The following GREM2 variants were observed in gnomAD, a reference collection of about 807,000 sequenced individuals.
The protein encoded by GREM2 is gremlin-2.
Under a neutral mutation model 14.2 loss-of-function variants are expected in GREM2, and 11 were observed. The ratio of observed to expected loss-of-function variants is 0.78; its 90% CI spans 0.49 to 1.28. GREM2 has a LOEUF of 1.28. Among genes scored for constraint, GREM2 ranks in the 50% most tolerant of loss-of-function variants. GREM2 has a pLI of 0.00. For synonymous variants in GREM2, 98 were observed against 97.6 expected, an observed-to-expected ratio of 1.00 and a Z score of -0.02; for missense variants, 210 against 218.5, an observed-to-expected ratio of 0.96 and a Z score of 0.24.
At position 240,543,125 on chromosome 1, in the gene GREM2, A is replaced by G. The variant is rs571134174; in HGVS notation, c.-1-49649T>C. ...ATCACTCTGTCATGATTATTTGACT[A>G]TTATTTTACATCCCCCATCAGATTG... On this transcript the variant is annotated intron_variant, in intron 1 of 1. Transcript: ENST00000318160. The surrounding 1 kb of genome is among the most constrained non-coding windows in gnomAD (Gnocchi z 6.4). Among the ~76,000 whole-genome samples, 1 of 152,320 alleles carries G rather than the reference A, an allele frequency of 6.6e-6. No individual in the cohort carries two copies. Among genetic ancestry groups the G allele is most frequent in the South Asian group, 2.1e-4 (1 of 4,830 alleles).
intron 1 of GREM2, among the ~76,000 whole-genome samples, chr1:240,579,852 A>G (rs771418213): frequency 2.0e-5 from 3 of 152,194 alleles, no homozygotes; most frequent in Non-Finnish European, 4.4e-5. Flanking sequence ...GAAAAATTAA[A>G]AGATGGAAGA....
In GREM2 at chr1:240,543,756, T is replaced by A. The variant is rs1048876518; in HGVS notation, c.-1-50280A>T. ...CCTTGACATTGATCTTTTATAGAAATTACTAAGTAATTATATTTCAAAAGG... is the reference window on the plus strand; with the variant it reads ...CCTTGACATTGATCTTTTATAGAAAATACTAAGTAATTATATTTCAAAAGG... On this transcript the variant is annotated intron_variant, in intron 1 of 1. Coordinates refer to ENST00000318160, the MANE Select transcript of GREM2 (RefSeq NM_022469.4). This position sits in a 1 kb window ranked among gnomAD's most constrained non-coding sequence, Gnocchi z 6.4. Among the ~76,000 whole-genome samples the A allele has an allele frequency of 1.3e-5, 2 of 152,230 alleles. No homozygotes were observed. Among genetic ancestry groups the A allele is most frequent in the African/African-American group, 4.8e-5 (2 of 41,470 alleles).
chr1:240,585,997 T>C (rs1443660407), intron 1 of GREM2, among the ~76,000 whole-genome samples: 1 of 149,420 alleles, frequency 6.7e-6, no homozygotes, highest in Admixed American at 6.7e-5. Context: ...ATTAAAAGAA[T>C]CTTACTATAT....
rs1678550805 is a variant in GREM2 at position 240,540,010 on chromosome 1, C to G, written c.-1-46534G>C. 6.6e-6 allele frequency among the ~76,000 whole-genome samples: 1 copy of G among 152,176 alleles called. No individual in the cohort carries two copies. Among genetic ancestry groups the G allele is most frequent in the Non-Finnish European group, 1.5e-5 (1 of 68,030 alleles). The stretch of plus-strand genomic sequence containing the variant: ...ATGAGGGCTGCGGTAACTCAGATGC[C>G]TCAGGATCCCTTGCTATGTGCTGAG... On this transcript the variant is annotated intron_variant, in intron 1 of 1. Transcript: ENST00000318160. This position sits in a 1 kb window ranked among gnomAD's most constrained non-coding sequence, Gnocchi z 4.2.
At chr1:240,544,209 G>A (rs562232639) in intron 1 of GREM2, among the ~76,000 whole-genome samples, 19 of 150,992 alleles carry the variant, frequency 1.3e-4, no homozygotes, top group East Asian at 7.8e-4. Flanking sequence ...GTGCAGTGGC[G>A]CAATCTCGGC....
chr1:240,519,722 C>T (rs563340524), intron 1 of GREM2, among the ~76,000 whole-genome samples: 11 of 152,090 alleles, frequency 7.2e-5, no homozygotes, highest in African/African-American at 2.4e-4. Context: ...GCATCATCAA[C>T]TTATTTCTAT....
At chr1:240,547,374 C>T (rs1450274290) in intron 1 of GREM2, among the ~76,000 whole-genome samples, 1 of 151,432 alleles carries the variant, frequency 6.6e-6, no homozygotes, top group Non-Finnish European at 1.5e-5. Context: ...GTGGCGGGCG[C>T]CTGTAGTCCC....
intron 1 of GREM2, among the ~76,000 whole-genome samples, chr1:240,603,034 T>C (rs940937866): frequency 1.3e-5 from 2 of 150,326 alleles, no homozygotes; most frequent in Non-Finnish European, 3.0e-5. Context: ...GATCGCACCA[T>C]TGCACTCCAG....
intron 1 of GREM2, among the ~76,000 whole-genome samples, chr1:240,601,141 C>T (rs558704634): frequency 8.9e-4 from 135 of 152,196 alleles, no homozygotes; most frequent in African/African-American, 3.1e-3. Flanking sequence ...TATCAAAAGC[C>T]TGCAAAATAA....
chr1:240,526,555 T>C (rs1013353330), intron 1 of GREM2, among the ~76,000 whole-genome samples: 1 of 152,164 alleles, frequency 6.6e-6, no homozygotes, highest in East Asian at 1.9e-4. Context: ...AGGTTACTCC[T>C]GCCTTCTTCT....
chr1:240,500,271 G>T (rs1677538879), intron 1 of GREM2, among the ~76,000 whole-genome samples: 1 of 151,760 alleles, frequency 6.6e-6, no homozygotes, highest in African/African-American at 2.4e-5. Context: ...CATGTTCTGT[G>T]TATCAGAGTA....
chr1:240,514,148 G>C (rs980107025), intron 1 of GREM2, among the ~76,000 whole-genome samples: 2 of 151,112 alleles, frequency 1.3e-5, no homozygotes, highest in African/African-American at 4.9e-5. Flanking sequence ...TCGGGAGGCT[G>C]AGGCAGGGGA....
At chr1:240,545,474 CTAATTGTAA>C (rs879574368) in intron 1 of GREM2, among the ~76,000 whole-genome samples, 75,813 of 151,812 alleles carry the variant, frequency 0.5, 20,866 homozygotes, top group African/African-American at 0.74. Flanking sequence ...AATTAGTTGA[CTAATTGTAA>C]CTAAAATTGT....
chr1:240,588,101 G>A (rs1679635514), intron 1 of GREM2, among the ~76,000 whole-genome samples: 1 of 152,120 alleles, frequency 6.6e-6, no homozygotes, highest in South Asian at 2.1e-4. Flanking sequence ...GGCAGATGTG[G>A]AGTACAAATA....
In GREM2 at chr1:240,542,109, C is replaced by T. The variant is rs912307691; in HGVS notation, c.-1-48633G>A. ...CGGCTGCTACTGAAATCTAGAAGGTCGAGGCCAAGGAGGATGCCGAACATC... is the reference window on the plus strand; with the variant it reads ...CGGCTGCTACTGAAATCTAGAAGGTTGAGGCCAAGGAGGATGCCGAACATC... On this transcript the variant is annotated intron_variant, in intron 1 of 1. Coordinates refer to ENST00000318160, the MANE Select transcript of GREM2 (RefSeq NM_022469.4). This position sits in a 1 kb window ranked among gnomAD's most constrained non-coding sequence, Gnocchi z 4.1. 7.9e-5 allele frequency among the ~76,000 whole-genome samples: 12 copies of T among 151,954 alleles called. No individual in the cohort carries two copies. Among genetic ancestry groups the T allele is most frequent in the South Asian group, 2.1e-4 (1 of 4,818 alleles).
rs1051013825 is a variant in GREM2 at position 240,492,510 on chromosome 1, G to A, written c.*459C>T. Reference sequence around the variant, plus strand: ...GAGCGCTCCCAGCCAGAGGTCCAGGGACCAGCAGGAGAGGTCTGAGGGGCC... The same window carrying A: ...GAGCGCTCCCAGCCAGAGGTCCAGGAACCAGCAGGAGAGGTCTGAGGGGCC... On this transcript the variant is annotated 3_prime_UTR_variant, in exon 2 of 2. Transcript: ENST00000318160. 4 of 182,354 alleles carry A rather than the reference G, an allele frequency of 2.2e-5. No homozygotes were observed. The highest frequency in any genetic ancestry group is 5.6e-5 in the Admixed American group (1 of 17,984). 11.3% of individuals were successfully genotyped at this position (182,354 alleles called of 1,614,324 possible). A position where few individuals can be genotyped will look rare whatever the true frequency, so the allele number is the denominator to read the frequency against.
At chr1:240,535,792 C>T (rs1305444963) in intron 1 of GREM2, among the ~76,000 whole-genome samples, 7 of 91,958 alleles carry the variant, frequency 7.6e-5, no homozygotes. Context: ...AAGGGAGACT[C>T]CATCGCAAAA....
At chr1:240,520,029 A>C (rs1304695431) in intron 1 of GREM2, among the ~76,000 whole-genome samples, 1 of 152,034 alleles carries the variant, frequency 6.6e-6, no homozygotes, top group Non-Finnish European at 1.5e-5. Context: ...GCGGTGAGCC[A>C]GGATTGTGCC....
chr1:240,492,748 G>A lies in GREM2; in HGVS notation c.*221C>T. 2.7e-6 allele frequency: 1 copy of A among 364,344 alleles called. No individual in the cohort carries two copies. 22.6% of individuals were successfully genotyped at this position (364,344 alleles called of 1,614,324 possible). Reference sequence around the variant, plus strand: ...GCCTGATCCACCGCCTGGTTTAGGGGGCACAGGTGGGACCCGGGGTCGGTC... The same window carrying A: ...GCCTGATCCACCGCCTGGTTTAGGGAGCACAGGTGGGACCCGGGGTCGGTC... On this transcript the variant is annotated 3_prime_UTR_variant, in exon 2 of 2. Coordinates refer to ENST00000318160, the MANE Select transcript of GREM2 (RefSeq NM_022469.4).
Sources: allele counts gnomAD v4.1 joint callset (sites outside exome capture counted in the v4.1 genomes callset), GRCh38; gene constraint gnomAD v4.1.1; non-coding constraint Gnocchi (gnomAD v3.1); transcripts MANE v1.5; gene names NCBI Gene and HGNC (gene_info 2026-07-23, HGNC 2026-07-21).